ALK: variants seen among roughly 807,000 people sequenced by gnomAD.
The protein encoded by ALK is ALK tyrosine kinase receptor.
Under a neutral mutation model 163.1 loss-of-function variants are expected in ALK, and 74 were observed. That is an observed-to-expected ratio of 0.45 (90% CI 0.38 to 0.55). The LOEUF is 0.55. Ranked by LOEUF, ALK falls within the 20% of genes least tolerant of loss-of-function variation. The pLI is 0.00. For synonymous variants in ALK, 960 were observed against 843.2 expected, an observed-to-expected ratio of 1.14 and a Z score of -2.40; for missense variants, 2,063 against 2,105.3, an observed-to-expected ratio of 0.98 and a Z score of 0.39.
intron 3 of ALK, among the ~76,000 whole-genome samples, chr2:29,541,717 CT>C (rs1347731953): frequency 6.6e-6 from 1 of 152,212 alleles, no homozygotes; most frequent in Non-Finnish European, 1.5e-5. Context: ...AAAAGTATTC[CT>C]GCAAAGCTGT....
chr2:29,367,310 A>G (rs1161807839), intron 5 of ALK, among the ~76,000 whole-genome samples: 4 of 152,208 alleles, frequency 2.6e-5, no homozygotes, highest in African/African-American at 9.7e-5. Flanking sequence ...AAGATTAAGA[A>G]GGGCAGGGAG....
At chr2:29,603,952 C>A (rs1399199539) in intron 3 of ALK, among the ~76,000 whole-genome samples, 1 of 151,852 alleles carries the variant, frequency 6.6e-6, no homozygotes, top group Admixed American at 6.6e-5. Context: ...CCTTTTTTTT[C>A]CTTCCTATGC....
At chr2:29,559,442 C>A (rs995586942) in intron 3 of ALK, among the ~76,000 whole-genome samples, 1 of 152,194 alleles carries the variant, frequency 6.6e-6, no homozygotes, top group Non-Finnish European at 1.5e-5. Flanking sequence ...TAATAGAGAA[C>A]TCCAGAATTA....
intron 1 of ALK, among the ~76,000 whole-genome samples, chr2:29,918,701 C>T (rs1667901355): frequency 1.3e-5 from 2 of 151,904 alleles, no homozygotes; most frequent in South Asian, 2.1e-4. Flanking sequence ...TGAGAGTACT[C>T]GTGTGTGTGT....
At chr2:29,421,017 C>A (rs535490475) in intron 4 of ALK, among the ~76,000 whole-genome samples, 1 of 151,650 alleles carries the variant, frequency 6.6e-6, no homozygotes, top group South Asian at 2.1e-4. Context: ...GGCTCTTGAC[C>A]TCTCTGTCTC....
At chr2:29,310,361 GGAATC>G (rs1402038446) in intron 8 of ALK, among the ~76,000 whole-genome samples, 1 of 152,092 alleles carries the variant, frequency 6.6e-6, no homozygotes, top group Admixed American at 6.5e-5. Flanking sequence ...CTTATACTAG[GGAATC>G]AATATTTGAA....
At chr2:29,347,285 A>T (rs1257728893) in intron 5 of ALK, among the ~76,000 whole-genome samples, 1 of 152,192 alleles carries the variant, frequency 6.6e-6, no homozygotes, top group Non-Finnish European at 1.5e-5. Context: ...GATCCTGGCC[A>T]TTCCTCTGAA....
chr2:29,539,490 G>A (rs1673354749), intron 3 of ALK, among the ~76,000 whole-genome samples: 1 of 152,040 alleles, frequency 6.6e-6, no homozygotes, highest in African/African-American at 2.4e-5. Flanking sequence ...TTAATCTACA[G>A]ACAATTATTG....
At chr2:29,279,363 G>C (rs1665648833) in intron 9 of ALK, among the ~76,000 whole-genome samples, 1 of 152,198 alleles carries the variant, frequency 6.6e-6, no homozygotes, top group African/African-American at 2.4e-5. Flanking sequence ...GGGTGCCTCT[G>C]TCCATCCATG....
chr2:29,426,253 T>C (rs1435331233), intron 4 of ALK, among the ~76,000 whole-genome samples: 2 of 151,970 alleles, frequency 1.3e-5, no homozygotes, highest in Admixed American at 6.6e-5. Context: ...TGCAGGGAAA[T>C]AGACTACACT....
At chr2:29,429,214 T>C (rs981792112) in intron 4 of ALK, among the ~76,000 whole-genome samples, 69 of 152,144 alleles carry the variant, frequency 4.5e-4, no homozygotes, top group African/African-American at 1.6e-3. Flanking sequence ...TATCAGCTCA[T>C]GCCACTTCTA....
At chr2:29,241,770 C>T (rs2148190224) in intron 12 of ALK, among the ~76,000 whole-genome samples, 1 of 152,224 alleles carries the variant, frequency 6.6e-6, no homozygotes, top group South Asian at 2.1e-4. Flanking sequence ...CTCACAGGCA[C>T]ACGGCATCAC....
In ALK at chr2:29,232,357, C is replaced by T. The variant is rs1194282326; in HGVS notation, c.2579G>A (p.Arg860Lys). ...GAKTDTFHPE[R>K]LENNSSVLGL... ...TAGAACCGAGGAGTTATTCTCCAGT[C>T]TCTCTGGGTGGAACGTGTCTGTCTT... is the stretch of plus-strand genomic sequence containing the variant. The change falls in exon 15 of 29, where the codon AGA (arginine) becomes AAA (lysine). Residue 860 changes from arginine to lysine, a missense_variant. Transcript: ENST00000389048. 2 of 1,614,276 alleles carry T rather than the reference C, an allele frequency of 1.2e-6. No homozygotes were observed. Among genetic ancestry groups the T allele is most frequent in the Non-Finnish European group, 1.7e-6 (2 of 1,180,052 alleles).
chr2:29,583,329 T>G (rs557078782), intron 3 of ALK, among the ~76,000 whole-genome samples: 1 of 152,300 alleles, frequency 6.6e-6, no homozygotes, highest in East Asian at 1.9e-4. Flanking sequence ...TGACAATCCT[T>G]TCATCATTAT....
At chr2:29,711,271 A>G (rs1017853266) in intron 2 of ALK, among the ~76,000 whole-genome samples, 1 of 152,124 alleles carries the variant, frequency 6.6e-6, no homozygotes, top group African/African-American at 2.4e-5. Context: ...ACACCTTTGC[A>G]CATGCATCCC....
At chr2:29,786,252 A>G (rs1664021876) in intron 1 of ALK, among the ~76,000 whole-genome samples, 2 of 152,032 alleles carry the variant, frequency 1.3e-5, no homozygotes, top group Admixed American at 6.6e-5. Flanking sequence ...TGAAATGTCT[A>G]TAGAACCCGA....
intron 4 of ALK, among the ~76,000 whole-genome samples, chr2:29,483,405 C>T (rs7588341): frequency 0.65 from 98,425 of 152,030 alleles, 32,642 homozygotes; most frequent in Middle Eastern, 0.75. Context: ...AGAACCACTC[C>T]TGCTATTCAA....
At position 29,253,546 on chromosome 2, in the gene ALK, C is replaced by T. The variant is rs576641327; in HGVS notation, c.2042-2279G>A. On this transcript the variant is annotated intron_variant, in intron 11 of 28. Transcript: ENST00000389048. Reference sequence around the variant, plus strand: ...GCTGGTGCTGTCCTGGACAGCAGGACATGTGGCCAGGGGAGTTGCTGTGAA... The same window carrying T: ...GCTGGTGCTGTCCTGGACAGCAGGATATGTGGCCAGGGGAGTTGCTGTGAA... Among the ~76,000 whole-genome samples the T allele has an allele frequency of 1.4e-3, 212 of 152,204 alleles. 1 individual carries two copies. The highest frequency in any genetic ancestry group is 4.8e-3 in the African/African-American group (200 of 41,500).
At chr2:29,360,575 A>G (rs979053150) in intron 5 of ALK, among the ~76,000 whole-genome samples, 2 of 152,170 alleles carry the variant, frequency 1.3e-5, no homozygotes, top group Admixed American at 6.5e-5. Context: ...TTTCCCGTGT[A>G]CAGCTCTGTG....
Sources: allele counts gnomAD v4.1 joint callset (sites outside exome capture counted in the v4.1 genomes callset), GRCh38; gene constraint gnomAD v4.1.1; transcripts MANE v1.5; gene names NCBI Gene and HGNC (gene_info 2026-07-23, HGNC 2026-07-21).